SLC25A26: variants seen among roughly 807,000 people sequenced by gnomAD.
The protein encoded by SLC25A26 is solute carrier family 25 member 26, also known as mitochondrial S-adenosylmethionine carrier protein.
In SLC25A26, 36 loss-of-function variants were observed where a neutral mutation model predicts 37.8. The ratio of observed to expected loss-of-function variants is 0.95; its 90% CI spans 0.73 to 1.26. The LOEUF (loss-of-function observed/expected upper bound fraction) is 1.26, where lower values mean the gene tolerates loss of function less well. Among genes scored for constraint, SLC25A26 ranks in the 50% most tolerant of loss-of-function variants. The pLI is 0.00. For synonymous variants in SLC25A26, 129 were observed against 122.5 expected, an observed-to-expected ratio of 1.05 and a Z score of -0.35; for missense variants, 390 against 331.1, an observed-to-expected ratio of 1.18 and a Z score of -1.38.
chr3:66,319,764 TTTTTTTG>T (rs2075642472), intron 5 of SLC25A26, among the ~76,000 whole-genome samples: 1 of 133,680 alleles, frequency 7.5e-6, no homozygotes, highest in Non-Finnish European at 1.7e-5. Context: ...TTTTTTTTTT[TTTTTTTG>T]AGATGAAGTT....
intron 1 of SLC25A26, among the ~76,000 whole-genome samples, chr3:66,209,932 A>ATATATATATATT (rs1683813808): frequency 1.4e-5 from 1 of 70,434 alleles, no homozygotes; most frequent in Non-Finnish European, 2.6e-5. Flanking sequence ...ATATATATAT[A>ATATATATATATT]TATATATATA....
intron 6 of SLC25A26, chr3:66,356,227 T>C: frequency 2.7e-6 from 1 of 375,716 alleles, no homozygotes; most frequent in South Asian, 2.1e-5. Flanking sequence ...ACACTTGGTC[T>C]GGGGTTGGAC....
chr3:66,291,322 T>C (rs2074699229), intron 5 of SLC25A26, among the ~76,000 whole-genome samples: 1 of 152,146 alleles, frequency 6.6e-6, no homozygotes, highest in Non-Finnish European at 1.5e-5. Flanking sequence ...TCATTTCTGC[T>C]CGTAGTTATT....
chr3:66,286,055 G>A (rs2074502994), intron 5 of SLC25A26, among the ~76,000 whole-genome samples: 1 of 151,994 alleles, frequency 6.6e-6, no homozygotes, highest in East Asian at 1.9e-4. Flanking sequence ...ATTTTTAATT[G>A]TACGGTTTCT....
rs542310925 is a variant in SLC25A26, at chr3:66,145,672, T to G, written c.-354+11688T>G. Among the ~76,000 whole-genome samples the G allele has an allele frequency of 2.6e-5, 4 of 152,362 alleles. No individual in the cohort carries two copies. The South Asian group carries it at 8.3e-4, about 32-fold the overall frequency. On this transcript the variant is annotated intron_variant, in intron 1 of 10. Transcript: ENST00000676754. ...CTAGGAAAAATTTTGTATTCTCATT[T>G]AAAGCTAAATAAACAGATGGAAATA... is the stretch of plus-strand genomic sequence containing the variant.
intron 1 of SLC25A26, among the ~76,000 whole-genome samples, chr3:66,205,621 A>G (rs905026554): frequency 3.3e-5 from 5 of 152,276 alleles, no homozygotes; most frequent in East Asian, 3.9e-4. Context: ...AGGCAGTTCA[A>G]TTTTCTATCA....
intron 5 of SLC25A26, among the ~76,000 whole-genome samples, chr3:66,319,200 A>G (rs1033148970): frequency 2.6e-5 from 4 of 152,214 alleles, no homozygotes; most frequent in African/African-American, 9.6e-5. Flanking sequence ...ATATGATGGC[A>G]TAGCTCATTA....
chr3:66,292,032 T>A (rs2074728980), intron 5 of SLC25A26, among the ~76,000 whole-genome samples: 1 of 152,164 alleles, frequency 6.6e-6, no homozygotes, highest in Admixed American at 6.5e-5. Context: ...CTTGTTGCGT[T>A]GATCCCTTTA....
At chr3:66,372,575 TG>T (rs1233565270) in intron 9 of SLC25A26, among the ~76,000 whole-genome samples, 4 of 152,302 alleles carry the variant, frequency 2.6e-5, no homozygotes, top group African/African-American at 9.6e-5. Context: ...GAATTTTTTT[TG>T]CTTATCTATC....
intron 6 of SLC25A26, chr3:66,355,973 A>G (rs1167636923): frequency 4.4e-6 from 2 of 454,708 alleles, no homozygotes; most frequent in Non-Finnish European, 8.8e-6. Context: ...GATTCTGTGC[A>G]CATACTTATT....
intron 1 of SLC25A26, among the ~76,000 whole-genome samples, chr3:66,214,412 C>T (rs994317608): frequency 0.03 from 4,546 of 152,170 alleles, 234 homozygotes; most frequent in African/African-American, 0.1. Flanking sequence ...TCCTTTATAA[C>T]GATGCAAAAC....
chr3:66,361,432 G>A (rs1471208251), intron 6 of SLC25A26, among the ~76,000 whole-genome samples: 9 of 152,312 alleles, frequency 5.9e-5, no homozygotes, highest in Non-Finnish European at 1.2e-4. Flanking sequence ...TTTGAAAGAT[G>A]CTGTTAAAAG....
At chr3:66,159,874 C>T (rs927336514) in intron 1 of SLC25A26, among the ~76,000 whole-genome samples, 3 of 152,144 alleles carry the variant, frequency 2.0e-5, no homozygotes, top group Non-Finnish European at 2.9e-5. Context: ...TCTTTCATGA[C>T]ACCCCACTGT....
At position 66,328,665 on chromosome 3, in the gene SLC25A26, A is replaced by G. The variant is rs183438386; in HGVS notation, c.454-17699A>G. ...ATAACTTAGGCATCTTTTTAGAAGT[A>G]TTATACATTCTTAATCAATAAAGCC... On this transcript the variant is annotated intron_variant, in intron 5 of 9. Transcript: ENST00000354883. 6.6e-5 allele frequency among the ~76,000 whole-genome samples: 10 copies of G among 152,280 alleles called. No individual in the cohort carries two copies. In the East Asian group the frequency reaches 1.9e-3, roughly 29 times the overall value.
rs2076260296 is a variant in SLC25A26, at chr3:66,343,776, G to C, written c.454-2588G>C. Among the ~76,000 whole-genome samples, 3 of 151,914 alleles carry C rather than the reference G, an allele frequency of 2.0e-5. No homozygotes were observed. In the South Asian group the frequency reaches 6.2e-4, roughly 32 times the overall value. On this transcript the variant is annotated intron_variant, in intron 5 of 9. Coordinates refer to ENST00000354883, the MANE Select transcript of SLC25A26 (RefSeq NM_001379210.1). ...TCCATAATCATACTGTCAGTCTTTT[G>C]GGGCATATTTTATTACATATTATAA...
At chr3:66,290,840 C>T (rs766967494) in intron 5 of SLC25A26, among the ~76,000 whole-genome samples, 2 of 152,032 alleles carry the variant, frequency 1.3e-5, no homozygotes, top group Non-Finnish European at 2.9e-5. Context: ...AAATGAATTA[C>T]GGAGGAGCCC....
At chr3:66,144,157 A>T (rs993104034) in intron 1 of SLC25A26, among the ~76,000 whole-genome samples, 2 of 152,136 alleles carry the variant, frequency 1.3e-5, no homozygotes, top group East Asian at 3.9e-4. Flanking sequence ...GACCTGAATG[A>T]TAACAAGGAA....
chr3:66,303,857 C>T (rs1447462179), intron 5 of SLC25A26, among the ~76,000 whole-genome samples: 1 of 152,184 alleles, frequency 6.6e-6, no homozygotes, highest in African/African-American at 2.4e-5. Flanking sequence ...CTTCCAAATG[C>T]ACAGGGCGGT....
rs754793887 is a variant in SLC25A26, at chr3:66,139,459, CT to C, written c.-354+5476del. On this transcript the variant is annotated intron_variant, in intron 1 of 10. Coordinates refer to the SLC25A26 transcript ENST00000676754. ...TAATTTATAGTGATTTAGCTCCCCC[CT>C]ATCAGGAGATAAAAATTTCTTTGGG... 8.2e-4 allele frequency among the ~76,000 whole-genome samples: 125 copies of C among 152,340 alleles called. 1 individual carries two copies. Among genetic ancestry groups the C allele is most frequent in the Non-Finnish European group, 1.6e-3 (111 of 68,032 alleles).
Sources: allele counts gnomAD v4.1 joint callset (sites outside exome capture counted in the v4.1 genomes callset), GRCh38; gene constraint gnomAD v4.1.1; transcripts MANE v1.5; gene names NCBI Gene and HGNC (gene_info 2026-07-23, HGNC 2026-07-21).